RTL3: variants seen among roughly 807,000 people sequenced by gnomAD.
RTL3 encodes retrotransposon Gag like 3.
For missense variants in RTL3, 468 were observed against 341.8 expected (o/e 1.37, Z -2.91); for synonymous variants, 181 against 132.2 (o/e 1.37, Z -2.53).
Position 78,657,566 on chromosome X carries a change from A to G in RTL3, c.855T>C (p.Gly285=), listed in dbSNP as rs1923030772. The part of the protein sequence containing the change: ...LVSFVGNCFS[G]RAGWWFQLLL... ...AGAGCTGGAACCACCATCCTGCCCTACCTGAGAAGCAATTGCCAACAAAGC... is the reference window on the plus strand; with the variant it reads ...AGAGCTGGAACCACCATCCTGCCCTGCCTGAGAAGCAATTGCCAACAAAGC... Residue 285 remains glycine, a synonymous_variant, in exon 2 of 2, where the codon GGT becomes GGC. Transcript: ENST00000321110. 1 of 1,207,236 alleles carries G rather than the reference A, an allele frequency of 8.3e-7. No individual in the cohort carries two copies. Among genetic ancestry groups the G allele is most frequent in the Non-Finnish European group, 1.1e-6 (1 of 893,038 alleles).
Position 78,658,151 on chromosome X carries a change from C to T in RTL3, c.270G>A (p.Glu90=), listed in dbSNP as rs1230129553. The T allele has an allele frequency of 4.3e-6, 5 of 1,168,308 alleles. No individual in the cohort carries two copies. Among genetic ancestry groups the T allele is most frequent in the Non-Finnish European group, 5.7e-6 (5 of 878,295 alleles). The change falls in exon 2 of 2, where the codon GAG becomes GAA. Residue 90 remains glutamate, a synonymous_variant. Transcript: ENST00000321110. ...PEFKEPQKPP[E]PQDLLPWEPP... ...GTTCCCAGGGTAGAAGATCCTGTGG[C>T]TCTGGTGGCTTCTGGGGTTCCTTGA...
rs372384888 is a variant in RTL3, at chrX:78,658,202, G to A, written c.219C>T (p.Ala73=). 19 of 1,199,735 alleles carry A rather than the reference G, an allele frequency of 1.6e-5. No homozygotes were observed. The African/African-American group carries it at 3.4e-4, about 21-fold the overall frequency. ...ACTCTGGGGTCTTTTGGGCCTCCCA[G>A]GCTGCTGGGGGATTCATGTGCTCTG... ...KLPEHMNPPA[A]WEAQKTPEFK... is the part of the protein sequence containing the mutation. The change falls in exon 2 of 2, where the codon GCC becomes GCT. Residue 73 remains alanine, a synonymous_variant. Coordinates refer to ENST00000321110, the MANE Select transcript of RTL3 (RefSeq NM_152694.3).
chrX:78,658,482 T>C lies in RTL3; in HGVS notation c.-62A>G, dbSNP rs1424414478. ...CCAAGAGAGATTGGGTGGGTGTTTGTGAGATCCTTCCTGAAAGCTGCTTAC... is the reference window on the plus strand; with the variant it reads ...CCAAGAGAGATTGGGTGGGTGTTTGCGAGATCCTTCCTGAAAGCTGCTTAC... On this transcript the variant is annotated 5_prime_UTR_variant, in exon 2 of 2. Coordinates refer to ENST00000321110, the MANE Select transcript of RTL3 (RefSeq NM_152694.3). 2.0e-5 allele frequency: 20 copies of C among 1,024,077 alleles called. No individual in the cohort carries two copies. Among genetic ancestry groups the C allele is most frequent in the Non-Finnish European group, 2.5e-5 (19 of 768,859 alleles). 84.4% of individuals were successfully genotyped at this position (1,024,077 alleles called of 1,213,427 possible). A position where few individuals can be genotyped will look rare whatever the true frequency, so the allele number is the denominator to read the frequency against.
Position 78,656,986 on chromosome X carries a change from G to A in RTL3, c.*7C>T. On this transcript the variant is annotated 3_prime_UTR_variant, in exon 2 of 2. Coordinates refer to ENST00000321110, the MANE Select transcript of RTL3 (RefSeq NM_152694.3). ...ATATTTGTAGATTGGCCCACGTGGG[G>A]TCCCCCTTACTGGCAGGCCTGGATG... 1 of 1,201,415 alleles carries A rather than the reference G, an allele frequency of 8.3e-7. No individual in the cohort carries two copies. The highest frequency in any genetic ancestry group is 1.1e-6 in the Non-Finnish European group (1 of 889,344).
At position 78,657,584 on chromosome X, in the gene RTL3, A is replaced by G; in HGVS notation, c.837T>C (p.Val279=). 1 of 1,207,025 alleles carries G rather than the reference A, an allele frequency of 8.3e-7. No homozygotes were observed. The highest frequency in any genetic ancestry group is 1.1e-6 in the Non-Finnish European group (1 of 892,797). ...YPTEAALVSF[V]GNCFSGRAGW... is the part of the protein sequence containing the mutation. ...CTGCCCTACCTGAGAAGCAATTGCC[A>G]ACAAAGCTCACCAGGGCTGCTTCAG... Residue 279 remains valine, a synonymous_variant, in exon 2 of 2, where the codon GTT becomes GTC. Transcript: ENST00000321110.
chrX:78,656,691 A>C lies in RTL3; in HGVS notation c.*302T>G. On this transcript the variant is annotated 3_prime_UTR_variant, in exon 2 of 2. Transcript: ENST00000321110. ...GAATAATGTCAAACTGGAGCTCTTCAACATGGTTTCCAATTTGAACTTGGA... is the reference window on the plus strand; with the variant it reads ...GAATAATGTCAAACTGGAGCTCTTCCACATGGTTTCCAATTTGAACTTGGA... 1 of 293,340 alleles carries C rather than the reference A, an allele frequency of 3.4e-6. No individual in the cohort carries two copies. Among genetic ancestry groups the C allele is most frequent in the Non-Finnish European group, 6.0e-6 (1 of 167,142 alleles). 24.2% of individuals were successfully genotyped at this position (293,340 alleles called of 1,213,427 possible).
chrX:78,657,470 A>G lies in RTL3; in HGVS notation c.951T>C (p.Asp317=). The change falls in exon 2 of 2, where the codon GAT becomes GAC. Residue 317 remains aspartate (D), a synonymous_variant. Transcript: ENST00000321110. ...TGGCATCTTTCATGTTTTCTGGATT[A>G]TCAAAAGTATCCTGGAGCACAGGTA... is the stretch of plus-strand genomic sequence containing the variant. ...SFIPVLQDTF[D]NPENMKDANQ... The G allele has an allele frequency of 8.3e-7, 1 of 1,208,399 alleles. No homozygotes were observed. Among genetic ancestry groups the G allele is most frequent in the Non-Finnish European group, 1.1e-6 (1 of 893,666 alleles).
Position 78,658,549 on chromosome X carries a change from T to G in RTL3, c.-129A>C. ...CAGTGAGTTTTCCAAGGGGTGGTAT[T>G]TGGGCCCCGCCAAGGCTGATTATCA... On this transcript the variant is annotated 5_prime_UTR_variant, in exon 2 of 2. Coordinates refer to ENST00000321110, the MANE Select transcript of RTL3 (RefSeq NM_152694.3). 1.5e-6 allele frequency: 1 copy of G among 671,142 alleles called. No homozygotes were observed. Among genetic ancestry groups the G allele is most frequent in the Non-Finnish European group, 2.2e-6 (1 of 463,367 alleles). The allele number at this position is 671,142 out of a possible 1,213,427, so 55.3% of individuals were successfully genotyped here.
rs996547059 is a variant in RTL3, at chrX:78,656,258, G to A, written c.*735C>T. On this transcript the variant is annotated 3_prime_UTR_variant, in exon 2 of 2. Coordinates refer to ENST00000321110, the MANE Select transcript of RTL3 (RefSeq NM_152694.3). Reference sequence around the variant, plus strand: ...TCTCATGTGTATTGTTAGTATAATTGTAATTAAAACAGTTCCGCAGGATGC... The same window carrying A: ...TCTCATGTGTATTGTTAGTATAATTATAATTAAAACAGTTCCGCAGGATGC... 6.3e-5 allele frequency: 7 copies of A among 110,691 alleles called. No individual in the cohort carries two copies. The highest frequency in any genetic ancestry group is 2.0e-4 in the African/African-American group (6 of 30,174). The allele number at this position is 110,691 out of a possible 1,213,427, so 9.1% of individuals were successfully genotyped here.
At position 78,657,613 on chromosome X, in the gene RTL3, G is replaced by C. The variant is rs1321886191; in HGVS notation, c.808C>G (p.Pro270Ala). 4 of 1,206,972 alleles carry C rather than the reference G, an allele frequency of 3.3e-6. No homozygotes were observed. Among genetic ancestry groups the C allele is most frequent in the Non-Finnish European group, 4.5e-6 (4 of 892,963 alleles). ...SYMRVRGHLY[P>A]TEAALVSFVG... The stretch of plus-strand genomic sequence containing the variant: ...AAGCTCACCAGGGCTGCTTCAGTGG[G>C]ATACAGGTGCCCTCTGACTCTCATG... The change falls in exon 2 of 2, where the codon CCC (proline) becomes GCC (alanine). Residue 270 changes from proline (P) to alanine (A), a missense_variant. By Grantham distance (27) the Pro-to-Ala change is conservative (BLOSUM62 -1). Coordinates refer to ENST00000321110, the MANE Select transcript of RTL3 (RefSeq NM_152694.3).
chrX:78,657,726 T>G lies in RTL3; in HGVS notation c.695A>C (p.Glu232Ala), dbSNP rs72629919. The change falls in exon 2 of 2, where the codon GAG becomes GCG. Residue 232 changes from glutamate to alanine, a missense_variant. Glu to Ala is a moderately radical substitution (Grantham distance 107). Coordinates refer to ENST00000321110, the MANE Select transcript of RTL3 (RefSeq NM_152694.3). ...GTATTGCAGGGGGAAATCTGTAGCC[T>G]CTAACCCAATAGGGGCCTGTGGAAA... The part of the protein sequence containing the change: ...SEFPQAPIGL[E>A]ATDFPLQYTL... The G allele has an allele frequency of 4.7e-5, 57 of 1,209,011 alleles. No homozygotes were observed. The East Asian group carries it at 1.5e-3, about 33-fold the overall frequency.
Position 78,657,428 on chromosome X carries a change from T to C in RTL3, c.993A>G (p.Gln331=). 1 of 1,211,244 alleles carries C rather than the reference T, an allele frequency of 8.3e-7. No homozygotes were observed. Among genetic ancestry groups the C allele is most frequent in the Non-Finnish European group, 1.1e-6 (1 of 895,272 alleles). The change falls in exon 2 of 2, where the codon CAA becomes CAG. Residue 331 remains glutamine, a synonymous_variant. Coordinates refer to ENST00000321110, the MANE Select transcript of RTL3 (RefSeq NM_152694.3). The part of the protein sequence containing the change: ...NMKDANQCIH[Q]LCQGEGHVAT... ...CTACATGACCCTCCCCTTGGCAGAGTTGATGGATGCACTGGTTGGCATCTT... is the reference window on the plus strand; with the variant it reads ...CTACATGACCCTCCCCTTGGCAGAGCTGATGGATGCACTGGTTGGCATCTT...
Position 78,656,890 on chromosome X carries a change from CT to C in RTL3, c.*102del. On this transcript the variant is annotated 3_prime_UTR_variant, in exon 2 of 2. Transcript: ENST00000321110. ...TACCATTGCTTGCTCAAAGAATTAT[CT>C]TCTTCCCAGTTGGATTTCAACAGTA... 1.2e-6 allele frequency: 1 copy of C among 845,159 alleles called. No individual in the cohort carries two copies. Among genetic ancestry groups the C allele is most frequent in the Non-Finnish European group, 1.6e-6 (1 of 617,942 alleles). The allele number at this position is 845,159 out of a possible 1,213,427, so 69.7% of individuals were successfully genotyped here.
chrX:78,658,690 G>T (rs925061263), intron 1 of RTL3, 42 bp from the exon 2 acceptor site: 1 of 252,097 alleles, frequency 4.0e-6, no homozygotes, highest in Non-Finnish European at 7.4e-6. Context: ...ACTGTGGAAA[G>T]CACACATTCA....
At position 78,657,821 on chromosome X, in the gene RTL3, G is replaced by A. The variant is rs865867495; in HGVS notation, c.600C>T (p.Phe200=). Residue 200 remains phenylalanine (F), a synonymous_variant, in exon 2 of 2, where the codon TTC becomes TTT. Transcript: ENST00000321110. Reference sequence around the variant, plus strand: ...ACTCCTGGGCTGCTGAGAGTTCTAGGAATTCCTGGGCATTTGAAGGCTCCA... The same window carrying A: ...ACTCCTGGGCTGCTGAGAGTTCTAGAAATTCCTGGGCATTTGAAGGCTCCA... ...EPLEPSNAQE[F]LELSAAQESL... The A allele has an allele frequency of 3.3e-6, 4 of 1,211,411 alleles. No homozygotes were observed. The highest frequency in any genetic ancestry group is 3.4e-6 in the Non-Finnish European group (3 of 895,362).
rs1332577043 is a variant in RTL3 at position 78,657,064 on chromosome X, G to A, written c.1357C>T (p.His453Tyr). The change falls in exon 2 of 2, where the codon CAT becomes TAT. Residue 453 changes from histidine (H) to tyrosine (Y), a missense_variant. By Grantham distance (83) the His-to-Tyr change is moderately conservative. Coordinates refer to ENST00000321110, the MANE Select transcript of RTL3 (RefSeq NM_152694.3). ...TTGACAGGGCAATCTCTGGCAAAATGACCAGGATAACCACAGTAGAGGCAT... is the reference window on the plus strand; with the variant it reads ...TTGACAGGGCAATCTCTGGCAAAATAACCAGGATAACCACAGTAGAGGCAT... ...RLCLYCGYPG[H>Y]FARDCPVKPH... 8.2e-7 allele frequency: 1 copy of A among 1,212,252 alleles called. No homozygotes were observed. Among genetic ancestry groups the A allele is most frequent in the Non-Finnish European group, 1.1e-6 (1 of 895,602 alleles).
rs756513836 is a variant in RTL3, at chrX:78,658,136, T to C, written c.285A>G (p.Leu95=). Reference sequence around the variant, plus strand: ...CCCAGGCTGCTGGGGGTTCCCAGGGTAGAAGATCCTGTGGCTCTGGTGGCT... The same window carrying C: ...CCCAGGCTGCTGGGGGTTCCCAGGGCAGAAGATCCTGTGGCTCTGGTGGCT... The part of the protein sequence containing the change: ...PQKPPEPQDL[L]PWEPPAAWEL... Residue 95 remains leucine, a synonymous_variant, in exon 2 of 2, where the codon CTA becomes CTG. Transcript: ENST00000321110. 1.0e-5 allele frequency: 12 copies of C among 1,157,772 alleles called. No homozygotes were observed. The East Asian group carries it at 1.8e-4, about 17-fold the overall frequency.
At position 78,658,280 on chromosome X, in the gene RTL3, C is replaced by T. The variant is rs1456469160; in HGVS notation, c.141G>A (p.Lys47=). Residue 47 remains lysine, a synonymous_variant, in exon 2 of 2, where the codon AAG becomes AAA. Transcript: ENST00000321110. The part of the protein sequence containing the change: ...IPELQKSQAA[K]EYDLLRKSSE... The stretch of plus-strand genomic sequence containing the variant: ...AGGACTTTCGGAGTAGATCATACTC[C>T]TTGGCTGCTTGGGACTTCTGAAGCT... The T allele has an allele frequency of 5.8e-6, 7 of 1,210,851 alleles. No individual in the cohort carries two copies. The highest frequency in any genetic ancestry group is 7.8e-6 in the Non-Finnish European group (7 of 895,294).
rs1372842399 is a variant in RTL3 at position 78,657,773 on chromosome X, C to T, written c.648G>A (p.Val216=). The T allele has an allele frequency of 8.3e-7, 1 of 1,209,603 alleles. No homozygotes were observed. The highest frequency in any genetic ancestry group is 1.8e-5 in the African/African-American group (1 of 57,004). ...GAAACTCTGAAGCTGCTGATGTCTC[C>T]ACAACTATTAGACCCTCCAGGGACT... is the stretch of plus-strand genomic sequence containing the variant. ...AQESLEGLIV[V]ETSAASEFPQ... is the part of the protein sequence containing the mutation. Residue 216 remains valine (V), a synonymous_variant, in exon 2 of 2, where the codon GTG becomes GTA. Transcript: ENST00000321110.
Sources: gnomAD v4.1 joint callset for allele counts on GRCh38, gnomAD v4.1.1 for gene constraint, MANE v1.5 for transcripts, NCBI Gene and HGNC (gene_info 2026-07-23, HGNC 2026-07-21) for gene names.